COG5: variants seen among roughly 807,000 people sequenced by gnomAD.
COG5 encodes the protein component of oligomeric golgi complex 5.
COG5 carries 86 observed loss-of-function variants against 110.4 expected under a neutral mutation model. That is an observed-to-expected ratio of 0.78 (90% CI 0.65 to 0.93). The LOEUF is 0.93. Ranked by LOEUF, COG5 falls within the 40% of genes least tolerant of loss-of-function variation. The pLI, the probability that COG5 is intolerant of heterozygous loss-of-function variation, is 0.00. For synonymous variants in COG5, 360 were observed against 334.6 expected (o/e 1.08, Z -0.83); for missense variants, 1,077 against 987.0 (o/e 1.09, Z -1.22).
chr7:107,407,342 G>A (rs1441639622), intron 7 of COG5, among the ~76,000 whole-genome samples: 1 of 152,028 alleles, frequency 6.6e-6, no homozygotes, highest in African/African-American at 2.4e-5. Flanking sequence ...AGATCGTGCC[G>A]CTGCACTCCA....
In COG5 at chr7:107,465,541, T is replaced by G. The variant is rs555678137; in HGVS notation, c.539-52909A>C. On this transcript the variant is annotated intron_variant, in intron 6 of 21. Transcript: ENST00000297135. The stretch of plus-strand genomic sequence containing the variant: ...TTTCTTTCCAAACTGATCTACAGAT[T>G]CTCTGCAATACCAATCAAAATAACA... Among the ~76,000 whole-genome samples, 3 of 152,294 alleles carry G rather than the reference T, an allele frequency of 2.0e-5. No individual in the cohort carries two copies. The East Asian group carries it at 5.8e-4, about 29-fold the overall frequency.
At chr7:107,260,722 A>G (rs539726661) in intron 14 of COG5, among the ~76,000 whole-genome samples, 72 of 152,306 alleles carry the variant, frequency 4.7e-4, no homozygotes, top group African/African-American at 1.7e-3. Context: ...GGTACAAAAT[A>G]TTATTGATAT....
At chr7:107,416,718 CAAAT>C (rs1203810044) in intron 6 of COG5, among the ~76,000 whole-genome samples, 2 of 152,026 alleles carry the variant, frequency 1.3e-5, no homozygotes, top group African/African-American at 4.8e-5. Flanking sequence ...CGGACCATGT[CAAAT>C]AGACATGGAT....
At chr7:107,422,058 A>G (rs1292660575) in intron 6 of COG5, among the ~76,000 whole-genome samples, 3 of 152,166 alleles carry the variant, frequency 2.0e-5, no homozygotes, top group Non-Finnish European at 4.4e-5. Context: ...AGAAACTAGA[A>G]AAAAGGTAAA....
intron 7 of COG5, among the ~76,000 whole-genome samples, chr7:107,402,644 T>C (rs1387316005): frequency 1.3e-5 from 2 of 152,204 alleles, no homozygotes; most frequent in African/African-American, 4.8e-5. Context: ...TCCCTTTCTT[T>C]GTGTGACTTC....
At chr7:107,424,725 T>G (rs1030990698) in intron 6 of COG5, among the ~76,000 whole-genome samples, 2 of 152,166 alleles carry the variant, frequency 1.3e-5, no homozygotes, top group African/African-American at 4.8e-5. Flanking sequence ...ATTATACCTT[T>G]TTTGACAGAC....
intron 10 of COG5, among the ~76,000 whole-genome samples, chr7:107,331,073 A>T (rs937594050): frequency 6.6e-6 from 1 of 152,218 alleles, no homozygotes; most frequent in Non-Finnish European, 1.5e-5. Flanking sequence ...ATAAGAATGG[A>T]AAGTAAGACA....
intron 1 of COG5, 92 bp downstream of exon 1, chr7:107,563,711 T>G: frequency 6.7e-7 from 1 of 1,492,450 alleles, no homozygotes; most frequent in Non-Finnish European, 9.3e-7. Flanking sequence ...GAAAACTTTC[T>G]GCAAAGCAAC....
At chr7:107,337,404 A>T (rs1005262521) in intron 10 of COG5, among the ~76,000 whole-genome samples, 8 of 152,212 alleles carry the variant, frequency 5.3e-5, no homozygotes, top group African/African-American at 1.9e-4. Flanking sequence ...CCATTGAAGG[A>T]TGAATGGATA....
At chr7:107,454,454 T>G (rs748464098) in intron 6 of COG5, among the ~76,000 whole-genome samples, 1 of 152,188 alleles carries the variant, frequency 6.6e-6, no homozygotes, top group Non-Finnish European at 1.5e-5. Flanking sequence ...ACATGTAGTT[T>G]TTTAACGTCT....
rs751224889 is a variant in COG5, at chr7:107,298,370, A to T, written c.1109-24T>A. 26 of 1,570,994 alleles carry T rather than the reference A, an allele frequency of 1.7e-5. No individual in the cohort carries two copies. The African/African-American group carries it at 3.0e-4, about 18-fold the overall frequency. ...AGCTGCCAAGCAAAACAAGAACATG[A>T]ATTAGAAAAATAATAAAATGTAGTA... is the stretch of plus-strand genomic sequence containing the variant. On this transcript the variant is annotated intron_variant, in intron 11 of 21. Coordinates refer to ENST00000297135, the MANE Select transcript of COG5 (RefSeq NM_006348.5).
chr7:107,208,954 T>A, intron 21 of COG5: 1 of 982,706 alleles, frequency 1.0e-6, no homozygotes, highest in South Asian at 4.7e-5. Context: ...TGGACCTTCT[T>A]GGGGAGCTAT....
At chr7:107,267,998 C>T (rs1803940259) in intron 14 of COG5, among the ~76,000 whole-genome samples, 2 of 152,104 alleles carry the variant, frequency 1.3e-5, no homozygotes, top group Non-Finnish European at 2.9e-5. Context: ...GACGGAGTTT[C>T]GCTCTTGTTG....
At chr7:107,358,556 A>T (rs1812828874) in intron 10 of COG5, among the ~76,000 whole-genome samples, 1 of 152,176 alleles carries the variant, frequency 6.6e-6, no homozygotes, top group Admixed American at 6.5e-5. Flanking sequence ...GGAAATCCTG[A>T]TTGCAAGGTT....
chr7:107,480,103 A>G (rs1192526857), intron 6 of COG5, among the ~76,000 whole-genome samples: 4 of 152,176 alleles, frequency 2.6e-5, no homozygotes, highest in Non-Finnish European at 5.9e-5. Flanking sequence ...ATGAAAGGGC[A>G]AATAAAGCTT....
intron 12 of COG5, among the ~76,000 whole-genome samples, chr7:107,295,941 C>A (rs1806701970): frequency 6.6e-6 from 1 of 152,126 alleles, no homozygotes; most frequent in Non-Finnish European, 1.5e-5. Flanking sequence ...CAGGCATGCA[C>A]CACCACGCCT....
At chr7:107,253,439 T>C (rs1322730029) in intron 16 of COG5, among the ~76,000 whole-genome samples, 1 of 151,952 alleles carries the variant, frequency 6.6e-6, no homozygotes, top group African/African-American at 2.4e-5. Context: ...ATATAGAACA[T>C]CAAACCCACA....
chr7:107,333,433 T>C (rs1406656737), intron 10 of COG5, among the ~76,000 whole-genome samples: 2 of 151,920 alleles, frequency 1.3e-5, no homozygotes, highest in African/African-American at 2.4e-5. Context: ...CAGAGCAAAA[T>C]AAGAAACCCA....
At chr7:107,270,507 T>C (rs1378758880) in intron 14 of COG5, among the ~76,000 whole-genome samples, 2 of 152,276 alleles carry the variant, frequency 1.3e-5, no homozygotes, top group East Asian at 3.9e-4. Context: ...GCGATCCACC[T>C]GCCTTGGCCT....
Sources: gnomAD v4.1 joint callset for allele counts (sites outside exome capture counted in the v4.1 genomes callset) on GRCh38, gnomAD v4.1.1 for gene constraint, MANE v1.5 for transcripts, NCBI Gene and HGNC (gene_info 2026-07-23, HGNC 2026-07-21) for gene names.